The following MACROD2 variants were observed in gnomAD, a reference collection of about 807,000 sequenced individuals.
The protein encoded by MACROD2 is ADP-ribose glycohydrolase MACROD2.
Under a neutral mutation model 70.4 loss-of-function variants are expected in MACROD2, and 36 were observed. The ratio of observed to expected loss-of-function variants is 0.51; its 90% CI spans 0.39 to 0.68. MACROD2 has a LOEUF of 0.68. Ranked by LOEUF, MACROD2 falls within the 30% of genes least tolerant of loss-of-function variation. MACROD2 has a pLI of 0.00. For missense variants in MACROD2, 496 were observed against 538.4 expected (o/e 0.92, Z 0.78); for synonymous variants, 172 against 178.8 (o/e 0.96, Z 0.30).
chr20:15,246,500 A>G (rs1371049614), intron 6 of MACROD2, among the ~76,000 whole-genome samples: 1 of 152,168 alleles, frequency 6.6e-6, no homozygotes, highest in Non-Finnish European at 1.5e-5. Flanking sequence ...GTGTAAGCCC[A>G]TCTTTTTATT....
intron 7 of MACROD2, among the ~76,000 whole-genome samples, chr20:15,466,140 T>A (rs950849418): frequency 6.6e-6 from 1 of 152,200 alleles, no homozygotes; most frequent in African/African-American, 2.4e-5. Flanking sequence ...ACTTTCTTGA[T>A]CAGAAAAAGT....
chr20:15,383,644 A>C (rs2045673566), intron 6 of MACROD2, among the ~76,000 whole-genome samples: 1 of 152,166 alleles, frequency 6.6e-6, no homozygotes, highest in Non-Finnish European at 1.5e-5. Flanking sequence ...TATCATTTTT[A>C]GTCCTTTATG....
At chr20:15,231,094 G>A (rs1418670252) in intron 6 of MACROD2, among the ~76,000 whole-genome samples, 1 of 152,060 alleles carries the variant, frequency 6.6e-6, no homozygotes, top group Non-Finnish European at 1.5e-5. Flanking sequence ...GTGCATGATT[G>A]TAATTATGAA....
intron 7 of MACROD2, among the ~76,000 whole-genome samples, chr20:15,474,409 G>T (rs1196336972): frequency 6.6e-6 from 1 of 152,204 alleles, no homozygotes; most frequent in South Asian, 2.1e-4. Context: ...TCTGAGCGGG[G>T]ATAGTGTGAG....
chr20:14,395,059 CTT>C (rs1243357832), intron 3 of MACROD2, among the ~76,000 whole-genome samples: 1 of 151,744 alleles, frequency 6.6e-6, no homozygotes, highest in East Asian at 1.9e-4. Context: ...TTTTAAATGT[CTT>C]TTCTGATGTT....
intron 3 of MACROD2, among the ~76,000 whole-genome samples, chr20:14,386,126 T>C (rs1311410279): frequency 1.3e-5 from 2 of 152,216 alleles, no homozygotes; most frequent in Non-Finnish European, 2.9e-5. Flanking sequence ...GTATACTGTT[T>C]TTATCTTCAT....
chr20:14,516,816 A>T (rs1276807740), intron 4 of MACROD2, among the ~76,000 whole-genome samples: 2 of 152,150 alleles, frequency 1.3e-5, no homozygotes, highest in Non-Finnish European at 1.5e-5. Context: ...AATATCCAGA[A>T]TCTACAAGGA....
At chr20:16,013,408 G>A (rs543164681) in intron 15 of MACROD2, among the ~76,000 whole-genome samples, 92 of 152,216 alleles carry the variant, frequency 6.0e-4, no homozygotes, top group African/African-American at 2.2e-3. Flanking sequence ...CTGGGATAGG[G>A]AAGATGTCTG....
chr20:16,044,547 C>CTTTTT, intron 16 of MACROD2, 24 bp from the exon 17 acceptor site: 1 of 1,329,606 alleles, frequency 7.5e-7, no homozygotes, highest in Non-Finnish European at 1.0e-6. Flanking sequence ...GAATATTTAA[C>CTTTTT]TTTTTTTTTT....
intron 3 of MACROD2, among the ~76,000 whole-genome samples, chr20:14,448,468 G>A (rs1307024428): frequency 6.6e-6 from 1 of 151,876 alleles, no homozygotes; most frequent in Non-Finnish European, 1.5e-5. Flanking sequence ...CTTGAGGTTA[G>A]GAGTTCAAGA....
chr20:15,916,800 C>G (rs1409453484), intron 10 of MACROD2, among the ~76,000 whole-genome samples: 2 of 152,150 alleles, frequency 1.3e-5, no homozygotes, highest in African/African-American at 4.8e-5. Context: ...GAGGATCAAG[C>G]CAATTCCTAC....
At chr20:15,974,142 C>A (rs2066271241) in intron 13 of MACROD2, among the ~76,000 whole-genome samples, 1 of 152,112 alleles carries the variant, frequency 6.6e-6, no homozygotes, top group Non-Finnish European at 1.5e-5. Context: ...GATTTCAGTA[C>A]ATATTCTGGC....
intron 5 of MACROD2, among the ~76,000 whole-genome samples, chr20:14,961,641 A>G (rs527535488): frequency 2.0e-5 from 3 of 151,856 alleles, no homozygotes; most frequent in South Asian, 4.2e-4. Context: ...GATATCGCCC[A>G]CGGCCCCTCA....
intron 8 of MACROD2, among the ~76,000 whole-genome samples, chr20:15,728,269 T>A (rs557851624): frequency 6.6e-6 from 1 of 152,128 alleles, no homozygotes; most frequent in Admixed American, 6.5e-5. Context: ...TCATGGTGAA[T>A]TAGCTTTTTG....
At position 14,077,052 on chromosome 20, in the gene MACROD2, C is replaced by A. The variant is rs531135656; in HGVS notation, c.164-8569C>A. Among the ~76,000 whole-genome samples the A allele has an allele frequency of 5.3e-5, 8 of 152,166 alleles. No homozygotes were observed. In the East Asian group the frequency reaches 1.5e-3, roughly 29 times the overall value. On this transcript the variant is annotated intron_variant, in intron 2 of 17. Coordinates refer to ENST00000684519, the MANE Select transcript of MACROD2 (RefSeq NM_001351661.2). ...TAATAAATGCATATGTTGTAGAAAT[C>A]GTTAACAGGGAAATAACTTGAGATG...
intron 5 of MACROD2, among the ~76,000 whole-genome samples, chr20:14,852,419 A>T (rs1162322731): frequency 6.6e-6 from 1 of 152,176 alleles, no homozygotes; most frequent in Non-Finnish European, 1.5e-5. Flanking sequence ...CAGTGGGCAA[A>T]GGATGAAGTA....
intron 5 of MACROD2, among the ~76,000 whole-genome samples, chr20:14,739,977 G>A (rs1364242814): frequency 6.6e-6 from 1 of 151,944 alleles, no homozygotes; most frequent in African/African-American, 2.4e-5. Flanking sequence ...AATTTTCAAA[G>A]CATGCATACA....
chr20:14,879,571 T>G (rs2073587989), intron 5 of MACROD2, among the ~76,000 whole-genome samples: 1 of 152,188 alleles, frequency 6.6e-6, no homozygotes, highest in Non-Finnish European at 1.5e-5. Flanking sequence ...TAAACTTGCT[T>G]GAGAGAAGAT....
intron 3 of MACROD2, among the ~76,000 whole-genome samples, chr20:14,363,079 C>CA (rs1228810313): frequency 6.6e-6 from 1 of 152,154 alleles, no homozygotes; most frequent in Non-Finnish European, 1.5e-5. Context: ...AGACTCATAT[C>CA]ACTCAGCTCC....
Sources: allele counts gnomAD v4.1 joint callset (sites outside exome capture counted in the v4.1 genomes callset), GRCh38; gene constraint gnomAD v4.1.1; transcripts MANE v1.5; gene names NCBI Gene and HGNC (gene_info 2026-07-23, HGNC 2026-07-21).